KIF6: variants seen among roughly 807,000 people sequenced by gnomAD.
KIF6 encodes kinesin-like protein KIF6.
KIF6 carries 106 observed loss-of-function variants against 112.7 expected under a neutral mutation model. That is an observed-to-expected ratio of 0.94 (90% CI 0.80 to 1.11). The LOEUF (loss-of-function observed/expected upper bound fraction) is 1.11, where lower values mean the gene tolerates loss of function less well. Among genes scored for constraint, KIF6 ranks in the 50% least tolerant of loss-of-function variants. The pLI, the probability that KIF6 is intolerant of heterozygous loss-of-function variation, is 0.00. For missense variants in KIF6, 929 were observed against 964.0 expected, an observed-to-expected ratio of 0.96 and a Z score of 0.48; for synonymous variants, 339 against 339.9, an observed-to-expected ratio of 1.00 and a Z score of 0.03.
intron 3 of KIF6, among the ~76,000 whole-genome samples, chr6:39,704,471 A>G (rs1160593702): frequency 6.6e-6 from 1 of 152,108 alleles, no homozygotes; most frequent in African/African-American, 2.4e-5. Flanking sequence ...ATACAAAATT[A>G]GCAGGGTGGG....
intron 10 of KIF6, among the ~76,000 whole-genome samples, chr6:39,570,677 T>C (rs1780591949): frequency 6.6e-6 from 1 of 152,112 alleles, no homozygotes; most frequent in South Asian, 2.1e-4. Flanking sequence ...CATGCTGTTC[T>C]CTTGATAATG....
At chr6:39,504,895 A>G (rs1776344424) in intron 13 of KIF6, among the ~76,000 whole-genome samples, 1 of 152,240 alleles carries the variant, frequency 6.6e-6, no homozygotes, top group Non-Finnish European at 1.5e-5. Flanking sequence ...AGATAGGAAG[A>G]ATCAATATTG....
chr6:39,702,625 T>C (rs117064046), intron 3 of KIF6, among the ~76,000 whole-genome samples: 1 of 152,288 alleles, frequency 6.6e-6, no homozygotes, highest in East Asian at 1.9e-4. Context: ...TGGTCTTGAA[T>C]TCCTGGGCTC....
intron 9 of KIF6, among the ~76,000 whole-genome samples, chr6:39,582,323 G>A (rs1781340682): frequency 6.6e-6 from 1 of 152,296 alleles, no homozygotes; most frequent in African/African-American, 2.4e-5. Context: ...CTCATGCCCA[G>A]TCACCACAGG....
At chr6:39,699,351 A>C (rs1219093516) in intron 3 of KIF6, among the ~76,000 whole-genome samples, 1 of 152,166 alleles carries the variant, frequency 6.6e-6, no homozygotes, top group African/African-American at 2.4e-5. Context: ...GACTTTAAAG[A>C]GGTGACAGTG....
intron 6 of KIF6, among the ~76,000 whole-genome samples, chr6:39,598,512 C>G (rs1004942112): frequency 1.3e-5 from 2 of 151,914 alleles, no homozygotes; most frequent in Non-Finnish European, 2.9e-5. Flanking sequence ...ACATATAACA[C>G]ACAGCCATCA....
chr6:39,690,336 A>G (rs1042714093), intron 3 of KIF6: 6 of 152,272 alleles, frequency 3.9e-5, no homozygotes, highest in African/African-American at 1.4e-4. Context: ...GGAAGAGGAC[A>G]ATTCTGGAAA....
Position 39,337,159 on chromosome 6 carries a change from CTTT to C in KIF6, c.2429-614_2429-612del, listed in dbSNP as rs1338442297. 2.8e-3 allele frequency among the ~76,000 whole-genome samples: 142 copies of C among 50,412 alleles called. 4 individuals carry two copies. The highest frequency in any genetic ancestry group is 0.015 in the African/African-American group (65 of 4,480). The allele number at this position is 50,412 out of a possible 152,430, so 33.1% of individuals were successfully genotyped here. Reference sequence around the variant, plus strand: ...TCCTTCCTTCCTTTCTCTTTCTTTTCTTTCTTTCCTTCCTTCTTTCTTTCTTTC... The same window carrying C: ...TCCTTCCTTCCTTTCTCTTTCTTTTCCTTTCCTTCCTTCTTTCTTTCTTTC... On this transcript the variant is annotated intron_variant, in intron 22 of 22. Transcript: ENST00000287152.
intron 15 of KIF6, among the ~76,000 whole-genome samples, chr6:39,393,227 C>A (rs1768017921): frequency 6.6e-6 from 1 of 152,216 alleles, no homozygotes. Context: ...CCCGCAGGCC[C>A]TCTCTCCCTA....
intron 13 of KIF6, among the ~76,000 whole-genome samples, chr6:39,497,472 C>G (rs985097103): frequency 2.0e-5 from 3 of 152,152 alleles, no homozygotes; most frequent in African/African-American, 7.2e-5. Context: ...AGATCCTAGG[C>G]AGATGGTTTG....
At chr6:39,417,859 T>C (rs527821464) in intron 15 of KIF6, among the ~76,000 whole-genome samples, 25 of 152,328 alleles carry the variant, frequency 1.6e-4, no homozygotes, top group African/African-American at 5.8e-4. Context: ...AGAGCAAAAG[T>C]TTATATTATT....
intron 13 of KIF6, among the ~76,000 whole-genome samples, chr6:39,520,535 C>T (rs1212874070): frequency 6.6e-6 from 1 of 152,198 alleles, no homozygotes; most frequent in African/African-American, 2.4e-5. Flanking sequence ...GCTAAGAACT[C>T]AGCAGATTCA....
At chr6:39,724,452 C>CAAA (rs33912709) in intron 1 of KIF6, among the ~76,000 whole-genome samples, 1 of 90,514 alleles carries the variant, frequency 1.1e-5, no homozygotes, top group Non-Finnish European at 2.2e-5. Flanking sequence ...GACTCCGTCT[C>CAAA]AAAAAAAAAA....
intron 13 of KIF6, among the ~76,000 whole-genome samples, chr6:39,442,192 G>A (rs1771957491): frequency 6.6e-6 from 1 of 152,128 alleles, no homozygotes; most frequent in Non-Finnish European, 1.5e-5. Flanking sequence ...CTTGGTAACT[G>A]CATCTGATTC....
chr6:39,599,997 C>A (rs1317703142), intron 6 of KIF6, among the ~76,000 whole-genome samples: 1 of 152,148 alleles, frequency 6.6e-6, no homozygotes, highest in Admixed American at 6.6e-5. Flanking sequence ...CATGAAGTAG[C>A]AGTTGGTGTC....
At chr6:39,379,474 T>C (rs997572907) in intron 16 of KIF6, among the ~76,000 whole-genome samples, 1 of 152,204 alleles carries the variant, frequency 6.6e-6, no homozygotes, top group Non-Finnish European at 1.5e-5. Context: ...TCCTGGAGCT[T>C]ACATTTTAGC....
chr6:39,402,328 G>A (rs567607503), intron 15 of KIF6, among the ~76,000 whole-genome samples: 135 of 152,246 alleles, frequency 8.9e-4, no homozygotes, highest in African/African-American at 3.1e-3. Context: ...GCAAACAATT[G>A]TCCTCAATCC....
chr6:39,392,882 T>C (rs1025160120), intron 15 of KIF6, among the ~76,000 whole-genome samples: 1 of 152,200 alleles, frequency 6.6e-6, no homozygotes, highest in Non-Finnish European at 1.5e-5. Flanking sequence ...GAGATAGCAG[T>C]TGAGATTTTC....
intron 13 of KIF6, among the ~76,000 whole-genome samples, chr6:39,473,128 C>T (rs1774226577): frequency 6.6e-6 from 1 of 152,082 alleles, no homozygotes; most frequent in South Asian, 2.1e-4. Flanking sequence ...TCAGATGATC[C>T]ACCCACCTGG....
Sources: gnomAD v4.1 joint callset for allele counts (sites outside exome capture counted in the v4.1 genomes callset) on GRCh38, gnomAD v4.1.1 for gene constraint, MANE v1.5 for transcripts, NCBI Gene and HGNC (gene_info 2026-07-23, HGNC 2026-07-21) for gene names.